The following RAP1A variants were observed in gnomAD, a reference collection of about 807,000 sequenced individuals.
RAP1A encodes the protein RAP1A, member of RAS oncogene family.
Under a neutral mutation model 26.4 loss-of-function variants are expected in RAP1A, and 6 were observed. That is an observed-to-expected ratio of 0.23 (90% CI 0.12 to 0.45). The LOEUF is 0.45. RAP1A is among the 20% of genes least tolerant of loss of function. The pLI, the probability that RAP1A is intolerant of heterozygous loss-of-function variation, is 0.99. For synonymous variants in RAP1A, 73 were observed against 79.4 expected, an observed-to-expected ratio of 0.92 and a Z score of 0.43; for missense variants, 121 against 217.2, an observed-to-expected ratio of 0.56 and a Z score of 2.78.
intron 1 of RAP1A, among the ~76,000 whole-genome samples, chr1:111,678,115 T>C (rs1458478615): frequency 2.0e-5 from 3 of 152,186 alleles, no homozygotes; most frequent in African/African-American, 7.2e-5. Flanking sequence ...TTAGCTTTTC[T>C]GAATTATTTG....
intron 1 of RAP1A, among the ~76,000 whole-genome samples, chr1:111,571,555 GT>G (rs1177954045): frequency 1.3e-5 from 2 of 152,174 alleles, no homozygotes; most frequent in Non-Finnish European, 1.5e-5. Flanking sequence ...AGTTCCAAGG[GT>G]TTTAGGAACT....
In RAP1A at chr1:111,716,311, CTG is replaced by C. The variant is rs1410368213; in HGVS notation, c.*3912_*3913del. 3.9e-5 allele frequency: 6 copies of C among 152,056 alleles called. No homozygotes were observed. The highest frequency in any genetic ancestry group is 4.8e-5 in the African/African-American group (2 of 41,408). The allele number at this position is 152,056 out of a possible 1,614,324, so 9.4% of individuals were successfully genotyped here. On this transcript the variant is annotated 3_prime_UTR_variant, in exon 8 of 8. Coordinates refer to ENST00000369709, the MANE Select transcript of RAP1A (RefSeq NM_002884.4). ...ATTTATGTTCCCCAAAATGTAAAAA[CTG>C]TAAGTTATTCTTGAAAATGTAGTCC...
At chr1:111,547,469 TG>T (rs1487735964) in intron 1 of RAP1A, among the ~76,000 whole-genome samples, 3 of 152,162 alleles carry the variant, frequency 2.0e-5, no homozygotes, top group African/African-American at 7.2e-5. Context: ...TTCAAATGTT[TG>T]TGAAAATGGA....
At chr1:111,647,337 C>A (rs1190455898) in intron 1 of RAP1A, among the ~76,000 whole-genome samples, 1 of 152,130 alleles carries the variant, frequency 6.6e-6, no homozygotes, top group Admixed American at 6.5e-5. Context: ...CCCACTGATT[C>A]TACAGTATGG....
intron 1 of RAP1A, among the ~76,000 whole-genome samples, chr1:111,600,353 G>C (rs1658647007): frequency 6.6e-6 from 1 of 151,996 alleles, no homozygotes; most frequent in African/African-American, 2.4e-5. Flanking sequence ...ACCATCTCTA[G>C]AAGTTCAAGA....
chr1:111,583,189 C>CA (rs1050616830), intron 1 of RAP1A, among the ~76,000 whole-genome samples: 1 of 150,804 alleles, frequency 6.6e-6, no homozygotes, highest in Non-Finnish European at 1.5e-5. Context: ...TGGAAAAGTG[C>CA]AAAAAAGCAG....
rs1364271443 is a variant in RAP1A, at chr1:111,715,838, A to C, written c.*3437A>C. On this transcript the variant is annotated 3_prime_UTR_variant, in exon 8 of 8. Transcript: ENST00000369709. ...TAATAAGACATTCTACATTTCCTGG[A>C]CATGGCCAGTTTAAAATATTTTGCC... 1 of 152,236 alleles carries C rather than the reference A, an allele frequency of 6.6e-6. No homozygotes were observed. The highest frequency in any genetic ancestry group is 2.4e-5 in the African/African-American group (1 of 41,468). 9.4% of individuals were successfully genotyped at this position (152,236 alleles called of 1,614,324 possible).
chr1:111,572,449 A>G (rs947507662), intron 1 of RAP1A, among the ~76,000 whole-genome samples: 2 of 152,336 alleles, frequency 1.3e-5, no homozygotes, highest in Admixed American at 1.3e-4. Flanking sequence ...GCATGCCTAC[A>G]CTGAGAATGG....
chr1:111,643,688 A>G (rs1659963056), intron 1 of RAP1A, among the ~76,000 whole-genome samples: 1 of 152,252 alleles, frequency 6.6e-6, no homozygotes, highest in Non-Finnish European at 1.5e-5. Flanking sequence ...CCTTTATTTC[A>G]GAGTCATAGC....
intron 1 of RAP1A, among the ~76,000 whole-genome samples, chr1:111,681,864 C>G (rs1661306476): frequency 6.6e-6 from 1 of 152,122 alleles, no homozygotes; most frequent in Non-Finnish European, 1.5e-5. Context: ...AGATACTCCT[C>G]AAGAAGAGCA....
chr1:111,705,196 C>T (rs1662150062), intron 6 of RAP1A, among the ~76,000 whole-genome samples: 1 of 152,156 alleles, frequency 6.6e-6, no homozygotes, highest in Non-Finnish European at 1.5e-5. Flanking sequence ...TAAATAGTTC[C>T]CTTGCTTTTG....
At chr1:111,704,763 T>C (rs1224839881) in intron 6 of RAP1A, among the ~76,000 whole-genome samples, 1 of 152,248 alleles carries the variant, frequency 6.6e-6, no homozygotes, top group East Asian at 1.9e-4. Flanking sequence ...TGATATGCGA[T>C]AAAGTGGTGT....
At chr1:111,558,904 A>G (rs914724395) in intron 1 of RAP1A, among the ~76,000 whole-genome samples, 1 of 152,202 alleles carries the variant, frequency 6.6e-6, no homozygotes, top group Admixed American at 6.5e-5. Flanking sequence ...CCAACTGATT[A>G]TATGTAAAAC....
Position 111,554,095 on chromosome 1 carries a change from C to T in RAP1A, c.-28+11586C>T, listed in dbSNP as rs952794736. ...GATTTAGATCCCCACCACTTATTAG[C>T]TATGTGGCCTTGGGCTTATTACTTA... is the stretch of plus-strand genomic sequence containing the variant. On this transcript the variant is annotated intron_variant, in intron 1 of 7. Coordinates refer to the RAP1A transcript ENST00000356415. Among the ~76,000 whole-genome samples the T allele has an allele frequency of 2.6e-5, 4 of 152,360 alleles. No individual in the cohort carries two copies. In the South Asian group the frequency reaches 6.2e-4, roughly 24 times the overall value.
At chr1:111,588,493 A>G (rs1194807928) in intron 1 of RAP1A, among the ~76,000 whole-genome samples, 1 of 152,124 alleles carries the variant, frequency 6.6e-6, no homozygotes, top group Non-Finnish European at 1.5e-5. Context: ...TGGAACACAC[A>G]AGATCCCCCA....
chr1:111,595,904 C>T (rs1046433773), intron 1 of RAP1A, among the ~76,000 whole-genome samples: 2 of 152,126 alleles, frequency 1.3e-5, no homozygotes, highest in African/African-American at 2.4e-5. Flanking sequence ...ATGATTATTT[C>T]ATTTAAGAAT....
rs949595270 is a variant in RAP1A at position 111,619,872 on chromosome 1, G to GGGAGGA, written c.-75_-70dup. 4.3e-5 allele frequency: 17 copies of GGGAGGA among 396,374 alleles called. No individual in the cohort carries two copies. In the South Asian group the frequency reaches 8.9e-4, roughly 21 times the overall value. 24.6% of individuals were successfully genotyped at this position (396,374 alleles called of 1,614,324 possible). ...GGAGCAGGAGCCACGGCCGAGAGGA[G>GGGAGGA]GGAGGAGGAGGAGGAGGAGGTGGAG... On this transcript the variant is annotated 5_prime_UTR_variant, in exon 1 of 8. Transcript: ENST00000369709.
At chr1:111,681,027 G>T (rs1046435413) in intron 1 of RAP1A, among the ~76,000 whole-genome samples, 1 of 152,114 alleles carries the variant, frequency 6.6e-6, no homozygotes, top group South Asian at 2.1e-4. Flanking sequence ...CAGACGGATC[G>T]TGAGGTCAGG....
In RAP1A at chr1:111,709,143, A is replaced by T. The variant is rs778745500; in HGVS notation, c.469-6A>T. 6.3e-7 allele frequency: 1 copy of T among 1,597,122 alleles called. No homozygotes were observed. The highest frequency in any genetic ancestry group is 1.8e-5 in the Admixed American group (1 of 54,374). On this transcript the variant is annotated splice_region_variant and splice_polypyrimidine_tract_variant and intron_variant, in intron 6 of 7. Coordinates refer to ENST00000369709, the MANE Select transcript of RAP1A (RefSeq NM_002884.4). ...AGTAAGTACTTTTTTTCTTGTTTTT[A>T]CTTAGATATTTTATGACCTGGTCAG... is the stretch of plus-strand genomic sequence containing the variant.
Sources: gnomAD v4.1 joint callset for allele counts (sites outside exome capture counted in the v4.1 genomes callset) on GRCh38, gnomAD v4.1.1 for gene constraint, MANE v1.5 for transcripts, NCBI Gene and HGNC (gene_info 2026-07-23, HGNC 2026-07-21) for gene names.